TMEFF2: variants seen among roughly 807,000 people sequenced by gnomAD.
TMEFF2 encodes transmembrane protein with EGF like and two follistatin like domains 2.
TMEFF2 carries 28 observed loss-of-function variants against 53.8 expected under a neutral mutation model. That is an observed-to-expected ratio of 0.52 (90% CI 0.39 to 0.71). The LOEUF (loss-of-function observed/expected upper bound fraction) is 0.71. Among genes scored for constraint, TMEFF2 ranks in the 30% least tolerant of loss-of-function variants. The pLI is 0.00. For missense variants in TMEFF2, 353 were observed against 455.2 expected (o/e 0.78, Z 2.04); for synonymous variants, 162 against 166.3 (o/e 0.97, Z 0.20).
chr2:192,128,990 T>G (rs1689745355), intron 4 of TMEFF2, among the ~76,000 whole-genome samples: 1 of 152,210 alleles, frequency 6.6e-6, no homozygotes, highest in South Asian at 2.1e-4. Flanking sequence ...CAGTGCACTT[T>G]TCAGTAGCCA....
chr2:192,003,941 C>A (rs1299082834), intron 5 of TMEFF2, among the ~76,000 whole-genome samples: 2 of 139,010 alleles, frequency 1.4e-5, no homozygotes, highest in Non-Finnish European at 3.1e-5. Context: ...GGGGGGGGCT[C>A]ACACTCACCT....
At chr2:192,080,469 C>A (rs2105924956) in intron 4 of TMEFF2, among the ~76,000 whole-genome samples, 1 of 152,286 alleles carries the variant, frequency 6.6e-6, no homozygotes, top group East Asian at 1.9e-4. Context: ...GAGGCCTCCC[C>A]AGCCATGCTG....
At chr2:192,043,244 A>G (rs1687528713) in intron 5 of TMEFF2, among the ~76,000 whole-genome samples, 1 of 152,154 alleles carries the variant, frequency 6.6e-6, no homozygotes, top group Non-Finnish European at 1.5e-5. Flanking sequence ...ACGTTCTTAA[A>G]CAAAAGTCTA....
At chr2:192,081,283 C>T (rs1018631609) in intron 4 of TMEFF2, among the ~76,000 whole-genome samples, 8 of 152,148 alleles carry the variant, frequency 5.3e-5, no homozygotes, top group Non-Finnish European at 8.8e-5. Flanking sequence ...TGCAAAGAAG[C>T]TTGTCTACTT....
At chr2:191,956,078 T>G (rs2105787259) in intron 8 of TMEFF2, among the ~76,000 whole-genome samples, 177 bp downstream of exon 8, 1 of 52,784 alleles carries the variant, frequency 1.9e-5, no homozygotes, top group South Asian at 8.6e-4. Flanking sequence ...TTTTTGTTTT[T>G]TTTTAGTGTG....
chr2:192,034,512 G>T (rs995059647), intron 5 of TMEFF2, among the ~76,000 whole-genome samples: 1 of 152,070 alleles, frequency 6.6e-6, no homozygotes, highest in East Asian at 1.9e-4. Context: ...TCTCTACATT[G>T]GTAGGTCCTA....
chr2:192,093,551 G>A (rs768272286), intron 4 of TMEFF2, among the ~76,000 whole-genome samples: 1 of 152,112 alleles, frequency 6.6e-6, no homozygotes, highest in Non-Finnish European at 1.5e-5. Flanking sequence ...TTGGATGCAA[G>A]TGCCAAATCT....
At chr2:192,177,684 A>AT (rs1691079085) in intron 4 of TMEFF2, 1 of 151,028 alleles carries the variant, frequency 6.6e-6, no homozygotes, top group Non-Finnish European at 1.5e-5. Context: ...AGGAAGAGTG[A>AT]TTAAAAAACA....
chr2:192,096,233 A>G (rs1049625521), intron 4 of TMEFF2, among the ~76,000 whole-genome samples: 2 of 152,188 alleles, frequency 1.3e-5, no homozygotes, highest in Non-Finnish European at 2.9e-5. Flanking sequence ...GTTTCATTTC[A>G]AAGGACAGTT....
chr2:192,142,319 C>T (rs1690156715), intron 4 of TMEFF2, among the ~76,000 whole-genome samples: 1 of 151,760 alleles, frequency 6.6e-6, no homozygotes, highest in Non-Finnish European at 1.5e-5. Context: ...AAATGTAGTG[C>T]CTTTTGGTTT....
chr2:192,158,208 A>G (rs1187679071), intron 4 of TMEFF2, among the ~76,000 whole-genome samples: 1 of 152,120 alleles, frequency 6.6e-6, no homozygotes, highest in Non-Finnish European at 1.5e-5. Flanking sequence ...AGACTGAAAC[A>G]CAGACTTAAA....
intron 5 of TMEFF2, among the ~76,000 whole-genome samples, chr2:192,047,217 G>A (rs747375032): frequency 3.9e-5 from 6 of 152,070 alleles, no homozygotes; most frequent in Admixed American, 6.6e-5. Context: ...CACTGTGCCC[G>A]GCCTGCAGAT....
chr2:192,035,923 C>T (rs1233371621), intron 5 of TMEFF2, among the ~76,000 whole-genome samples: 6 of 152,144 alleles, frequency 3.9e-5, no homozygotes, highest in African/African-American at 7.2e-5. Flanking sequence ...TTAACATCTT[C>T]GTTTCTGTTT....
rs879414897 is a variant in TMEFF2, at chr2:192,013,455, C to CT, written c.537-14248dup. Among the ~76,000 whole-genome samples, 619 of 143,788 alleles carry CT rather than the reference C, an allele frequency of 4.3e-3. 3 individuals are homozygous for CT. The highest frequency in any genetic ancestry group is 0.014 in the East Asian group (67 of 4,958). 94.3% of individuals were successfully genotyped at this position (143,788 alleles called of 152,430 possible). A position where few individuals can be genotyped will look rare whatever the true frequency, so the allele number is the denominator to read the frequency against. ...TCTCTGAATCATGGTATATTACATACTTTTTTTTTTTTTTTGAGACAGTCT... is the reference window on the plus strand; with the variant it reads ...TCTCTGAATCATGGTATATTACATACTTTTTTTTTTTTTTTTGAGACAGTCT... On this transcript the variant is annotated intron_variant, in intron 5 of 9. Coordinates refer to ENST00000272771, the MANE Select transcript of TMEFF2 (RefSeq NM_016192.4).
intron 4 of TMEFF2, among the ~76,000 whole-genome samples, chr2:192,134,346 C>T (rs1033648751): frequency 6.6e-6 from 1 of 152,114 alleles, no homozygotes; most frequent in Non-Finnish European, 1.5e-5. Context: ...CATCCCATTT[C>T]CCCACATTTC....
intron 4 of TMEFF2, among the ~76,000 whole-genome samples, chr2:192,101,870 T>A (rs940854240): frequency 1.3e-5 from 2 of 152,174 alleles, no homozygotes; most frequent in African/African-American, 2.4e-5. Context: ...AAAACAAGTA[T>A]GATGTTAACT....
intron 8 of TMEFF2, 39 bp from the exon 9 acceptor site, chr2:191,953,876 T>C (rs11677413): frequency 0.022 from 27,249 of 1,251,574 alleles, 396 homozygotes; most frequent in Non-Finnish European, 0.023. Flanking sequence ...TGTAGGGTGC[T>C]GCATTCATTT....
intron 7 of TMEFF2, among the ~76,000 whole-genome samples, chr2:191,979,303 T>TA (rs1199662980): frequency 2.0e-5 from 3 of 152,220 alleles, no homozygotes; most frequent in Non-Finnish European, 4.4e-5. Context: ...AAATACTTGA[T>TA]AGGAAGTTCT....
intron 4 of TMEFF2, among the ~76,000 whole-genome samples, chr2:192,100,318 C>G (rs1377221295): frequency 6.6e-6 from 1 of 152,154 alleles, no homozygotes; most frequent in East Asian, 1.9e-4. Context: ...AGCCTTGCCT[C>G]ATGCCTGGGC....
Sources: gnomAD v4.1 joint callset for allele counts (sites outside exome capture counted in the v4.1 genomes callset) on GRCh38, gnomAD v4.1.1 for gene constraint, MANE v1.5 for transcripts, NCBI Gene and HGNC (gene_info 2026-07-23, HGNC 2026-07-21) for gene names.